The following C12orf42 variants were observed in gnomAD, a reference collection of about 807,000 sequenced individuals.
The protein encoded by C12orf42 is uncharacterized protein C12orf42.
Under a neutral mutation model 21.6 loss-of-function variants are expected in C12orf42, and 25 were observed. The ratio of observed to expected loss-of-function variants is 1.16; its 90% CI spans 0.84 to 1.62. The LOEUF is 1.62. Among genes scored for constraint, C12orf42 ranks in the 40% most tolerant of loss-of-function variants. The pLI, the probability that C12orf42 is intolerant of heterozygous loss-of-function variation, is 0.00. For synonymous variants in C12orf42, 174 were observed against 175.0 expected, an observed-to-expected ratio of 0.99 and a Z score of 0.05; for missense variants, 483 against 459.3, an observed-to-expected ratio of 1.05 and a Z score of -0.47.
At chr12:103,359,012 C>A (rs942117435) in intron 4 of C12orf42, among the ~76,000 whole-genome samples, 1 of 152,012 alleles carries the variant, frequency 6.6e-6, no homozygotes, top group Non-Finnish European at 1.5e-5. Context: ...TCTCAAATCA[C>A]GCTACTCTTT....
chr12:103,084,411 T>C, the C12orf42 span, among the ~76,000 whole-genome samples: 1 of 152,176 alleles, frequency 6.6e-6, no homozygotes, highest in Non-Finnish European at 1.5e-5. Context: ...AATTATACTT[T>C]AAGTTCTGGG....
chr12:103,555,230 G>C, the C12orf42 span, among the ~76,000 whole-genome samples: 28 of 152,172 alleles, frequency 1.8e-4, no homozygotes, highest in Non-Finnish European at 4.4e-5. Context: ...TGGACTTACA[G>C]TTTCACGTGG....
At chr12:103,210,639 C>CTTTTTTTTTTTTTTTTTTTTTTTTTTTT in the C12orf42 span, among the ~76,000 whole-genome samples, 13 of 77,630 alleles carry the variant, frequency 1.7e-4, no homozygotes, top group Non-Finnish European at 2.6e-4. Flanking sequence ...CCCTCTATTT[C>CTTTTTTTTTTTTTTTTTTTTTTTTTTTT]TTTTTTTTTT....
chr12:103,536,321 T>C, the C12orf42 span, among the ~76,000 whole-genome samples: 1 of 152,142 alleles, frequency 6.6e-6, no homozygotes, highest in Non-Finnish European at 1.5e-5. Flanking sequence ...GAGTTTGAAA[T>C]GTCTTTGGCT....
intron 4 of C12orf42, among the ~76,000 whole-genome samples, chr12:103,290,558 T>C (rs1566022494): frequency 6.6e-6 from 1 of 151,926 alleles, no homozygotes; most frequent in Non-Finnish European, 1.5e-5. Flanking sequence ...CTAGAGGAGG[T>C]GTGGGAAGGA....
the C12orf42 span, among the ~76,000 whole-genome samples, chr12:103,187,698 TA>T: frequency 2.6e-5 from 4 of 151,892 alleles, no homozygotes; most frequent in South Asian, 2.1e-4. Context: ...TGTCCTAAGT[TA>T]AAAAAAAGGC....
chr12:103,124,155 C>CTTT, the C12orf42 span, among the ~76,000 whole-genome samples: 280 of 75,974 alleles, frequency 3.7e-3, 21 homozygotes, highest in South Asian at 0.012. Flanking sequence ...CAAACATAAG[C>CTTT]TTTTTTTTTT....
At chr12:103,256,052 C>CA (rs1161719991) in intron 10 of C12orf42, among the ~76,000 whole-genome samples, 2 of 17,536 alleles carry the variant, frequency 1.1e-4, no homozygotes, top group African/African-American at 3.0e-4. Flanking sequence ...GACTCTGTCT[C>CA]AAAAAAAAAA....
the C12orf42 span, among the ~76,000 whole-genome samples, chr12:103,107,755 A>G: frequency 2.6e-5 from 4 of 151,752 alleles, no homozygotes; most frequent in South Asian, 6.2e-4. Flanking sequence ...AAGGGAATAT[A>G]TTAATGAAAA....
chr12:103,108,571 T>G, the C12orf42 span, among the ~76,000 whole-genome samples: 2 of 152,064 alleles, frequency 1.3e-5, no homozygotes, highest in African/African-American at 4.8e-5. Context: ...AACCCAGTAA[T>G]TATTTAAAAA....
the C12orf42 span, among the ~76,000 whole-genome samples, chr12:103,088,614 G>A: frequency 1.9e-3 from 285 of 152,280 alleles, 1 homozygote; most frequent in Admixed American, 6.9e-3. Flanking sequence ...ATGTCCCTGC[G>A]GAGTCTCCTC....
chr12:103,253,988 C>T (rs1377190566), intron 10 of C12orf42, among the ~76,000 whole-genome samples: 2 of 152,094 alleles, frequency 1.3e-5, no homozygotes, highest in African/African-American at 4.8e-5. Flanking sequence ...TAATTAGATA[C>T]CATTTGTCAA....
the C12orf42 span, among the ~76,000 whole-genome samples, chr12:103,094,682 T>G: frequency 6.6e-6 from 1 of 152,226 alleles, no homozygotes; most frequent in Non-Finnish European, 1.5e-5. Context: ...AGGAATAGAA[T>G]AGATTCCTCT....
At chr12:103,091,672 T>A in the C12orf42 span, among the ~76,000 whole-genome samples, 1 of 152,250 alleles carries the variant, frequency 6.6e-6, no homozygotes, top group South Asian at 2.1e-4. Context: ...TTGTTATTTA[T>A]GCATCAGTTA....
At chr12:103,435,175 C>A (rs975270633) in intron 2 of C12orf42, among the ~76,000 whole-genome samples, 30 of 152,170 alleles carry the variant, frequency 2.0e-4, no homozygotes, top group South Asian at 4.1e-4. Flanking sequence ...TTCCAACAGA[C>A]CTGCAGCTGA....
the C12orf42 span, among the ~76,000 whole-genome samples, chr12:103,138,776 G>A: frequency 6.6e-6 from 1 of 152,000 alleles, no homozygotes; most frequent in East Asian, 1.9e-4. Context: ...GCCACTTCAC[G>A]CTCCACTTTG....
At chr12:103,394,243 A>C (rs2047321333) in intron 3 of C12orf42, among the ~76,000 whole-genome samples, 1 of 152,210 alleles carries the variant, frequency 6.6e-6, no homozygotes. Flanking sequence ...TGTCATGCTG[A>C]GATGAAGACA....
At chr12:103,258,204 A>G (rs2034709073) in intron 10 of C12orf42, among the ~76,000 whole-genome samples, 2 of 152,140 alleles carry the variant, frequency 1.3e-5, no homozygotes, top group Non-Finnish European at 2.9e-5. Flanking sequence ...GGACTTTACT[A>G]GGTAACTAAG....
the C12orf42 span, among the ~76,000 whole-genome samples, chr12:103,518,420 C>T: frequency 1.3e-5 from 2 of 152,092 alleles, no homozygotes; most frequent in Admixed American, 6.6e-5. Flanking sequence ...TCTGCCAATG[C>T]CCCAGATGAA....
Sources: allele counts gnomAD v4.1 joint callset (sites outside exome capture counted in the v4.1 genomes callset), GRCh38; gene constraint gnomAD v4.1.1; transcripts MANE v1.5; gene names NCBI Gene and HGNC (gene_info 2026-07-23, HGNC 2026-07-21).